The following RAPH1 variants were observed in gnomAD, a reference collection of about 807,000 sequenced individuals.
The protein encoded by RAPH1 is Ras association (RalGDS/AF-6) and pleckstrin homology domains 1, also known as ras-associated and pleckstrin homology domains-containing protein 1.
In RAPH1, 18 loss-of-function variants were observed where a neutral mutation model predicts 88.1. The ratio of observed to expected loss-of-function variants is 0.20; its 90% CI spans 0.14 to 0.30. The LOEUF is 0.30. Among genes scored for constraint, RAPH1 ranks in the 10% least tolerant of loss-of-function variants. The pLI is 1.00. For missense variants in RAPH1, 1,448 were observed against 1,543.2 expected (o/e 0.94, Z 1.03); for synonymous variants, 587 against 559.0 (o/e 1.05, Z -0.71).
At chr2:203,486,005 T>TG (rs2105807611) in intron 4 of RAPH1, among the ~76,000 whole-genome samples, 1 of 149,546 alleles carries the variant, frequency 6.7e-6, no homozygotes, top group South Asian at 2.1e-4. Flanking sequence ...ACTAAAACAC[T>TG]GGCAGCCAGC....
chr2:203,507,231 A>G (rs906132240), intron 1 of RAPH1, among the ~76,000 whole-genome samples: 2 of 152,022 alleles, frequency 1.3e-5, no homozygotes, highest in African/African-American at 4.8e-5. Flanking sequence ...AAATATACAC[A>G]GTAAAGAAGA....
chr2:203,444,978 T>C lies in RAPH1; in HGVS notation c.1666A>G (p.Ser556Gly), dbSNP rs2098508167. The stretch of plus-strand genomic sequence containing the variant: ...GCTGGCTGGGTGTCAGAAACTCCGC[T>C]ATCAGACTGATTGGAGTGGTTTGAC... ...SQSNHSNQSD[S>G]GVSDTQPAGH... Residue 556 changes from serine to glycine, a missense_variant, in exon 13 of 14, where the codon AGC becomes GGC. By Grantham distance (56) the Ser-to-Gly change is moderately conservative. Coordinates refer to ENST00000319170, the MANE Select transcript of RAPH1 (RefSeq NM_213589.3). The C allele has an allele frequency of 1.2e-6, 2 of 1,614,040 alleles. No individual in the cohort carries two copies. The highest frequency in any genetic ancestry group is 1.1e-5 in the South Asian group (1 of 91,082).
chr2:203,472,597 A>G (rs1304642908), intron 4 of RAPH1, among the ~76,000 whole-genome samples: 1 of 152,196 alleles, frequency 6.6e-6, no homozygotes, highest in Non-Finnish European at 1.5e-5. Flanking sequence ...ATTTCAAGAA[A>G]TTACTTTCTT....
intron 8 of RAPH1, among the ~76,000 whole-genome samples, chr2:203,456,039 AAAAC>A (rs557591549): frequency 0.014 from 2,003 of 145,278 alleles, 40 homozygotes; most frequent in African/African-American, 0.053. Context: ...AACAAAAACA[AAAAC>A]AAGACAAAAC....
Position 203,438,637 on chromosome 2 carries a change from C to CTAAT in RAPH1, c.*796_*799dup, listed in dbSNP as rs1254201847. 6.0e-6 allele frequency: 1 copy of CTAAT among 165,762 alleles called. No individual in the cohort carries two copies. Among genetic ancestry groups the CTAAT allele is most frequent in the African/African-American group, 2.4e-5 (1 of 41,692 alleles). 10.3% of individuals were successfully genotyped at this position (165,762 alleles called of 1,614,324 possible). On this transcript the variant is annotated 3_prime_UTR_variant, in exon 14 of 14. Transcript: ENST00000319170. The stretch of plus-strand genomic sequence containing the variant: ...AAAGGAACTATCCAGAATTATAGCA[C>CTAAT]TAATTATCCATGTATTGTAGGCAAA...
chr2:203,490,869 C>A (rs970226207), intron 3 of RAPH1, among the ~76,000 whole-genome samples: 3 of 151,554 alleles, frequency 2.0e-5, no homozygotes, highest in Non-Finnish European at 4.4e-5. Context: ...GTGGTGAAAC[C>A]CTATCTCTAC....
At chr2:203,534,641 G>A (rs1690537275) in intron 1 of RAPH1, among the ~76,000 whole-genome samples, 1 of 151,526 alleles carries the variant, frequency 6.6e-6, no homozygotes, top group African/African-American at 2.4e-5. Context: ...AGACACAGAA[G>A]GAGCCCCGCC....
chr2:203,480,850 G>A (rs1054408036), intron 4 of RAPH1, among the ~76,000 whole-genome samples: 6 of 152,170 alleles, frequency 3.9e-5, no homozygotes, highest in African/African-American at 1.4e-4. Flanking sequence ...AGAGTGCCTG[G>A]GTTCAAGCCC....
Position 203,436,221 on chromosome 2 carries a change from A to AT in RAPH1, c.*3215dup, listed in dbSNP as rs2098498374. The AT allele has an allele frequency of 6.6e-6, 1 of 152,244 alleles. No individual in the cohort carries two copies. The allele number at this position is 152,244 out of a possible 1,614,324, so 9.4% of individuals were successfully genotyped here. ...GGGAGCACCTAGATTTTAGAGGACT[A>AT]TAAAACGCCATGTTTACTTTGTTTG... On this transcript the variant is annotated 3_prime_UTR_variant, in exon 14 of 14. Coordinates refer to ENST00000319170, the MANE Select transcript of RAPH1 (RefSeq NM_213589.3).
Position 203,489,689 on chromosome 2 carries a change from A to G in RAPH1, c.627T>C (p.His209=). The G allele has an allele frequency of 6.2e-7, 1 of 1,614,156 alleles. No homozygotes were observed. The highest frequency in any genetic ancestry group is 1.7e-5 in the Admixed American group (1 of 60,006). The change falls in exon 4 of 14, where the codon CAT becomes CAC. Residue 209 remains histidine, a synonymous_variant. Coordinates refer to ENST00000319170, the MANE Select transcript of RAPH1 (RefSeq NM_213589.3). ...AEVHSISNSS[H]SSITSAASSM... ...TGGAGGCTGCGGAAGTGATGCTGGA[A>G]TGGGAGGAATTACTAATAGAGTGTA... is the stretch of plus-strand genomic sequence containing the variant.
chr2:203,441,338 G>C lies in RAPH1; in HGVS notation c.1852C>G (p.Pro618Ala), dbSNP rs144575145. The part of the protein sequence containing the change: ...PLSPQPKIVT[P>A]YTASQPSPPL... ...GGTGAAGGCTGTGAAGCAGTGTAGGGGGTGACTATCTTAGGTTGCGGGGAT... is the reference window on the plus strand; with the variant it reads ...GGTGAAGGCTGTGAAGCAGTGTAGGCGGTGACTATCTTAGGTTGCGGGGAT... Residue 618 changes from proline to alanine, a missense_variant, in exon 14 of 14, where the codon CCC becomes GCC. Physicochemically the swap from Pro to Ala is conservative, Grantham distance 27 (BLOSUM62 -1). Around this residue, in one of 2 missense-constraint regions of RAPH1, gnomAD observed 935 missense variants for 890.1 expected, o/e 1.05. Transcript: ENST00000319170. 1.3e-6 allele frequency: 2 copies of C among 1,579,512 alleles called. No homozygotes were observed. The highest frequency in any genetic ancestry group is 1.7e-6 in the Non-Finnish European group (2 of 1,164,704).
chr2:203,465,821 T>C (rs1335419664), intron 4 of RAPH1, among the ~76,000 whole-genome samples: 1 of 151,822 alleles, frequency 6.6e-6, no homozygotes, highest in South Asian at 2.1e-4. Flanking sequence ...GAGGTTGCAG[T>C]AAACAGAGAT....
At chr2:203,502,928 T>G (rs1182577345) in intron 1 of RAPH1, among the ~76,000 whole-genome samples, 1 of 151,748 alleles carries the variant, frequency 6.6e-6, no homozygotes, top group African/African-American at 2.4e-5. Context: ...CGGATCACCT[T>G]AGGTCAGGAG....
At position 203,491,387 on chromosome 2, in the gene RAPH1, T is replaced by C. The variant is rs935465765; in HGVS notation, c.121-68A>G. 225 of 1,102,464 alleles carry C rather than the reference T, an allele frequency of 2.0e-4. 1 individual carries two copies. The highest frequency in any genetic ancestry group is 3.8e-4 in the South Asian group (25 of 65,000). The allele number at this position is 1,102,464 out of a possible 1,614,324, so 68.3% of individuals were successfully genotyped here. ...TCAATAATATAAAAAAAGATGAAGT[T>C]TGTTTTATGATTAAGTGAACTGCCA... is the stretch of plus-strand genomic sequence containing the variant. On this transcript the variant is annotated intron_variant, in intron 2 of 13. Transcript: ENST00000319170.
intron 1 of RAPH1, among the ~76,000 whole-genome samples, chr2:203,528,802 C>G (rs1487894286): frequency 6.6e-6 from 1 of 151,634 alleles, no homozygotes; most frequent in Non-Finnish European, 1.5e-5. Flanking sequence ...CACTGATTTC[C>G]TTTACCAGTT....
At chr2:203,462,071 A>G (rs1381531850) in intron 4 of RAPH1, 146 bp from the exon 5 acceptor site, 1 of 519,364 alleles carries the variant, frequency 1.9e-6, no homozygotes, top group African/African-American at 2.0e-5. Flanking sequence ...AACTGTTCAC[A>G]AAGAGCAGAC....
At chr2:203,457,086 AAAG>A (rs2098520199) in intron 8 of RAPH1, among the ~76,000 whole-genome samples, 1 of 152,124 alleles carries the variant, frequency 6.6e-6, no homozygotes, top group Non-Finnish European at 1.5e-5. Flanking sequence ...TCATACTATC[AAAG>A]AATACACAGG....
Position 203,448,239 on chromosome 2 carries a change from ATCTAT to A in RAPH1, c.1513-165_1513-161del, listed in dbSNP as rs371393646. ...AATTCCTCTAATACCATAAATTATA[ATCTAT>A]TCTTATTTCTCCTCATTTTTAGAGG... On this transcript the variant is annotated intron_variant, in intron 11 of 13. Coordinates refer to ENST00000319170, the MANE Select transcript of RAPH1 (RefSeq NM_213589.3). This position sits in a 1 kb window ranked among gnomAD's most constrained non-coding sequence, Gnocchi z 4.1. Among the ~76,000 whole-genome samples, 126 of 152,270 alleles carry A rather than the reference ATCTAT, an allele frequency of 8.3e-4. No homozygotes were observed. The highest frequency in any genetic ancestry group is 1.5e-3 in the Non-Finnish European group (104 of 68,028).
chr2:203,513,532 C>CAA (rs34083519), intron 1 of RAPH1, among the ~76,000 whole-genome samples: 50 of 41,908 alleles, frequency 1.2e-3, no homozygotes, highest in African/African-American at 3.6e-3. Context: ...GACTCTATTT[C>CAA]AAAAAAAAAA....
Sources: allele counts gnomAD v4.1 joint callset (sites outside exome capture counted in the v4.1 genomes callset), GRCh38; gene constraint gnomAD v4.1.1; regional missense constraint gnomAD v4.1.1; non-coding constraint Gnocchi (gnomAD v3.1); transcripts MANE v1.5; gene names NCBI Gene and HGNC (gene_info 2026-07-23, HGNC 2026-07-21).